Variants in ARHGAP26 observed in about 807,000 individuals in gnomAD.
The protein encoded by ARHGAP26 is Rho GTPase activating protein 26.
In ARHGAP26, 38 loss-of-function variants were observed where a neutral mutation model predicts 104.8. The observed-to-expected ratio is 0.36, with a 90% CI of 0.28 to 0.48. The LOEUF (loss-of-function observed/expected upper bound fraction) is 0.48, where lower values mean the gene tolerates loss of function less well. Ranked by LOEUF, ARHGAP26 falls within the 20% of genes least tolerant of loss-of-function variation. The probability of loss-of-function intolerance (pLI) is 0.99; values close to 1 mark genes in which losing one functional copy is unlikely to be tolerated. For synonymous variants in ARHGAP26, 341 were observed against 340.0 expected (o/e 1.00, Z -0.03); for missense variants, 704 against 947.9 (o/e 0.74, Z 3.38).
intron 1 of ARHGAP26, chr5:142,771,257 A>G (rs946455060): frequency 4.7e-5 from 59 of 1,253,730 alleles, no homozygotes; most frequent in Non-Finnish European, 9.0e-6. Context: ...GCCAGCGGGC[A>G]GATCCCATCG....
intron 19 of ARHGAP26, among the ~76,000 whole-genome samples, chr5:143,143,063 T>G (rs1798750658): frequency 6.6e-6 from 1 of 152,218 alleles, no homozygotes; most frequent in South Asian, 2.1e-4. Context: ...TGAGATGCTG[T>G]TAAAGAACAG....
intron 17 of ARHGAP26, among the ~76,000 whole-genome samples, chr5:143,100,850 G>T (rs1290252325): frequency 6.6e-6 from 1 of 152,184 alleles, no homozygotes; most frequent in African/African-American, 2.4e-5. Flanking sequence ...CAGCTCTTTG[G>T]GAGGCCAATG....
At chr5:143,121,192 G>A (rs1599108512) in intron 18 of ARHGAP26, 45 bp downstream of exon 18, 2 of 1,582,810 alleles carry the variant, frequency 1.3e-6, no homozygotes, top group African/African-American at 2.7e-5. Flanking sequence ...TACCTGGGGG[G>A]AAGCTGCATT....
chr5:143,100,542 T>TA (rs763362955), intron 17 of ARHGAP26, among the ~76,000 whole-genome samples: 2 of 152,232 alleles, frequency 1.3e-5, no homozygotes, highest in Non-Finnish European at 2.9e-5. Context: ...TTCTTGTACT[T>TA]ACGGTATCAC....
chr5:143,097,995 TA>T (rs1490231167), intron 17 of ARHGAP26, among the ~76,000 whole-genome samples: 1 of 152,178 alleles, frequency 6.6e-6, no homozygotes, highest in Non-Finnish European at 1.5e-5. Context: ...TTCCAATTTT[TA>T]AAAAGTTGTA....
intron 6 of ARHGAP26, among the ~76,000 whole-genome samples, chr5:142,900,668 G>A (rs1487211094): frequency 2.0e-5 from 3 of 152,044 alleles, no homozygotes; most frequent in Admixed American, 1.3e-4. Flanking sequence ...TCTCAGAAAA[G>A]GAGAGTTAGT....
chr5:142,876,324 C>G (rs1756091738), intron 3 of ARHGAP26, among the ~76,000 whole-genome samples: 1 of 152,088 alleles, frequency 6.6e-6, no homozygotes, highest in Admixed American at 6.5e-5. Context: ...CTATTTTAAC[C>G]CCCATGATGA....
chr5:142,791,164 C>T (rs1271511814), intron 1 of ARHGAP26, among the ~76,000 whole-genome samples: 6 of 151,840 alleles, frequency 4.0e-5, no homozygotes, highest in Non-Finnish European at 8.8e-5. Context: ...CTGCAACCTC[C>T]ACCTCCCAGG....
intron 14 of ARHGAP26, among the ~76,000 whole-genome samples, chr5:143,053,319 G>T (rs1003776172): frequency 6.6e-6 from 1 of 152,072 alleles, no homozygotes; most frequent in Non-Finnish European, 1.5e-5. Context: ...AGTAAGAAAA[G>T]GGTTGCTCTC....
intron 1 of ARHGAP26, among the ~76,000 whole-genome samples, chr5:142,822,434 A>G (rs1489794646): frequency 6.6e-6 from 1 of 152,158 alleles, no homozygotes; most frequent in Non-Finnish European, 1.5e-5. Flanking sequence ...TCACTGTTGA[A>G]CATTAACTCT....
intron 1 of ARHGAP26, among the ~76,000 whole-genome samples, chr5:142,826,894 G>C (rs1377492766): frequency 1.3e-5 from 2 of 152,174 alleles, no homozygotes; most frequent in African/African-American, 4.8e-5. Flanking sequence ...GAGGAAGCTT[G>C]AGCAAAAGCC....
chr5:143,175,178 G>A (rs993580515), intron 20 of ARHGAP26, among the ~76,000 whole-genome samples: 2 of 152,210 alleles, frequency 1.3e-5, no homozygotes, highest in African/African-American at 4.8e-5. Context: ...CTTCACAGAT[G>A]ACTAAGTGGT....
chr5:142,917,960 G>A (rs1417487919), intron 10 of ARHGAP26, among the ~76,000 whole-genome samples: 1 of 151,598 alleles, frequency 6.6e-6, no homozygotes, highest in East Asian at 1.9e-4. Context: ...ACAATACATT[G>A]CTGTCAGTTT....
chr5:142,987,801 T>C (rs891490186), intron 11 of ARHGAP26, among the ~76,000 whole-genome samples: 1 of 152,232 alleles, frequency 6.6e-6, no homozygotes, highest in Non-Finnish European at 1.5e-5. Context: ...ATTACATTTA[T>C]TGATTTGTGT....
intron 11 of ARHGAP26, among the ~76,000 whole-genome samples, chr5:142,970,090 A>C (rs2152696479): frequency 6.6e-6 from 1 of 152,336 alleles, no homozygotes; most frequent in South Asian, 2.1e-4. Flanking sequence ...CATGTTAAGC[A>C]GATGAACAGG....
chr5:142,991,098 C>G (rs912019094), intron 11 of ARHGAP26, among the ~76,000 whole-genome samples: 1 of 152,170 alleles, frequency 6.6e-6, no homozygotes, highest in Admixed American at 6.5e-5. Context: ...CCTTGTGCTG[C>G]GGTGGGCTCC....
intron 1 of ARHGAP26, among the ~76,000 whole-genome samples, chr5:142,847,341 T>C (rs1366017332): frequency 6.6e-6 from 1 of 151,990 alleles, no homozygotes; most frequent in Non-Finnish European, 1.5e-5. Flanking sequence ...ACACAGCGAA[T>C]ACAGCAAAGG....
chr5:143,029,350 G>A (rs1433277931), intron 12 of ARHGAP26, among the ~76,000 whole-genome samples: 1 of 139,744 alleles, frequency 7.2e-6, no homozygotes, highest in African/African-American at 2.6e-5. Flanking sequence ...ACAATTTCCT[G>A]TATCCATCCA....
chr5:142,837,985 G>A (rs1212729349), intron 1 of ARHGAP26, among the ~76,000 whole-genome samples: 2 of 152,172 alleles, frequency 1.3e-5, no homozygotes, highest in African/African-American at 4.8e-5. Flanking sequence ...TAGGCTGGGC[G>A]CAGTGGCTCA....
Sources: allele counts gnomAD v4.1 joint callset (sites outside exome capture counted in the v4.1 genomes callset), GRCh38; gene constraint gnomAD v4.1.1; transcripts MANE v1.5; gene names NCBI Gene and HGNC (gene_info 2026-07-23, HGNC 2026-07-21).